CELF4: variants seen among roughly 807,000 people sequenced by gnomAD.
CELF4 encodes the protein CUGBP Elav-like family member 4.
In CELF4, 18 loss-of-function variants were observed where a neutral mutation model predicts 59.9. The observed-to-expected ratio is 0.30, with a 90% CI of 0.21 to 0.45. The LOEUF (loss-of-function observed/expected upper bound fraction) is 0.45, where lower values mean the gene tolerates loss of function less well. Ranked by LOEUF, CELF4 falls within the 20% of genes least tolerant of loss-of-function variation. The probability of loss-of-function intolerance (pLI) is 1.00; values close to 1 mark genes in which losing one functional copy is unlikely to be tolerated. For synonymous variants in CELF4, 261 were observed against 267.1 expected, an observed-to-expected ratio of 0.98 and a Z score of 0.22; for missense variants, 456 against 689.0, an observed-to-expected ratio of 0.66 and a Z score of 3.79.
intron 2 of CELF4, among the ~76,000 whole-genome samples, chr18:37,390,331 C>T (rs965675880): frequency 2.0e-5 from 3 of 152,212 alleles, no homozygotes; most frequent in East Asian, 3.9e-4. Flanking sequence ...CTGGGAGCCA[C>T]GTGTGGCAGC....
At chr18:37,403,139 G>A (rs138117888) in intron 2 of CELF4, among the ~76,000 whole-genome samples, 1 of 152,268 alleles carries the variant, frequency 6.6e-6, no homozygotes, top group African/African-American at 2.4e-5. Flanking sequence ...AGGGGAGACA[G>A]GCAGAGAGAG....
chr18:37,474,394 G>C (rs1254312557), intron 2 of CELF4, among the ~76,000 whole-genome samples: 1 of 152,218 alleles, frequency 6.6e-6, no homozygotes, highest in Non-Finnish European at 1.5e-5. Context: ...GGGCCCCCTG[G>C]GTGTCTAGCA....
intron 2 of CELF4, among the ~76,000 whole-genome samples, chr18:37,471,974 T>C (rs1297361996): frequency 2.0e-5 from 3 of 152,164 alleles, no homozygotes; most frequent in Non-Finnish European, 4.4e-5. Context: ...TCCATGAGGG[T>C]GTCCAGGGCA....
At chr18:37,339,255 T>C (rs1233193091) in intron 2 of CELF4, among the ~76,000 whole-genome samples, 1 of 152,248 alleles carries the variant, frequency 6.6e-6, no homozygotes, top group East Asian at 1.9e-4. Context: ...AATTTTACCC[T>C]GCTGGCAAGC....
chr18:37,318,641 CCACTTTCTACTGCAA>C (rs1357091321), intron 3 of CELF4, among the ~76,000 whole-genome samples: 80 of 129,050 alleles, frequency 6.2e-4, no homozygotes, highest in African/African-American at 2.9e-3. Context: ...CCCCCCCCCC[CCACTTTCTACTGCAA>C]GAAGAATAAA....
intron 2 of CELF4, among the ~76,000 whole-genome samples, chr18:37,346,539 T>A (rs2098266391): frequency 6.6e-6 from 1 of 152,066 alleles, no homozygotes; most frequent in African/African-American, 2.4e-5. Flanking sequence ...TTTGTGTGGA[T>A]GAAGACACGC....
intron 1 of CELF4, among the ~76,000 whole-genome samples, chr18:37,524,170 A>G (rs2041970992): frequency 2.6e-5 from 4 of 152,218 alleles, no homozygotes; most frequent in Admixed American, 2.0e-4. Context: ...TGAATGAGTC[A>G]TATCTGGTTG....
At chr18:37,329,561 C>T (rs536628396) in intron 2 of CELF4, among the ~76,000 whole-genome samples, 1 of 152,204 alleles carries the variant, frequency 6.6e-6, no homozygotes, top group Non-Finnish European at 1.5e-5. Context: ...TGGCACAGCA[C>T]GGCCAGCCTG....
chr18:37,390,956 G>A (rs1252517292), intron 2 of CELF4, among the ~76,000 whole-genome samples: 1 of 152,122 alleles, frequency 6.6e-6, no homozygotes, highest in African/African-American at 2.4e-5. Context: ...CCGCTGCAGG[G>A]AGCGGGCCAC....
chr18:37,431,357 C>A (rs1231712298), intron 2 of CELF4, among the ~76,000 whole-genome samples: 1 of 131,926 alleles, frequency 7.6e-6, no homozygotes, highest in Non-Finnish European at 1.6e-5. Flanking sequence ...TTTCTCCTTT[C>A]TTTCCTTTTT....
chr18:37,273,357 A>C, intron 6 of CELF4, 194 bp from the exon 7 acceptor site: 1 of 1,367,816 alleles, frequency 7.3e-7, no homozygotes, highest in Non-Finnish European at 9.5e-7. Context: ...CCACCCTGAG[A>C]GATGACTGTA....
At chr18:37,493,240 A>G (rs184597464) in intron 1 of CELF4, among the ~76,000 whole-genome samples, 1 of 152,204 alleles carries the variant, frequency 6.6e-6, no homozygotes, top group Non-Finnish European at 1.5e-5. Context: ...TTTAGAGCCC[A>G]CGTAACTTTC....
intron 2 of CELF4, among the ~76,000 whole-genome samples, chr18:37,478,065 G>T (rs376880266): frequency 1.3e-5 from 2 of 152,214 alleles, no homozygotes; most frequent in Non-Finnish European, 2.9e-5. Flanking sequence ...CACCAATGGC[G>T]TCGGGTAGTG....
intron 1 of CELF4, among the ~76,000 whole-genome samples, chr18:37,504,154 A>G (rs1184290007): frequency 1.3e-5 from 2 of 152,192 alleles, no homozygotes; most frequent in Non-Finnish European, 2.9e-5. Flanking sequence ...GGATGAGCTG[A>G]TCTGTGCAGC....
intron 1 of CELF4, among the ~76,000 whole-genome samples, chr18:37,553,531 T>C (rs1467164255): frequency 1.3e-5 from 2 of 152,202 alleles, no homozygotes; most frequent in African/African-American, 4.8e-5. Context: ...CCCCAACATA[T>C]GGAATTAAGA....
chr18:37,350,036 A>T (rs889541993), intron 2 of CELF4, among the ~76,000 whole-genome samples: 2 of 152,114 alleles, frequency 1.3e-5, no homozygotes, highest in African/African-American at 4.8e-5. Flanking sequence ...GCAGGCAGGG[A>T]GGACCCGAAG....
intron 2 of CELF4, among the ~76,000 whole-genome samples, chr18:37,437,679 A>G (rs1358548835): frequency 6.6e-6 from 1 of 152,182 alleles, no homozygotes; most frequent in African/African-American, 2.4e-5. Context: ...GCAGGTGGGC[A>G]GAGGAGTTGT....
chr18:37,277,714 T>C (rs1487140863), intron 3 of CELF4, among the ~76,000 whole-genome samples: 1 of 152,204 alleles, frequency 6.6e-6, no homozygotes, highest in Non-Finnish European at 1.5e-5. Context: ...TTCCTTCTTT[T>C]GTGGAGTAAT....
At chr18:37,487,253 C>T in intron 1 of CELF4, among the ~76,000 whole-genome samples, 1 of 152,184 alleles carries the variant, frequency 6.6e-6, no homozygotes, top group East Asian at 1.9e-4. Flanking sequence ...AAATTCCTGC[C>T]TCCCTTCCCT....
Sources: allele counts gnomAD v4.1 joint callset (sites outside exome capture counted in the v4.1 genomes callset), GRCh38; gene constraint gnomAD v4.1.1; transcripts MANE v1.5; gene names NCBI Gene and HGNC (gene_info 2026-07-23, HGNC 2026-07-21).